Variants in MSI2 observed in about 807,000 individuals in gnomAD.
The protein encoded by MSI2 is RNA-binding protein Musashi homolog 2.
Under a neutral mutation model 45.6 loss-of-function variants are expected in MSI2, and 17 were observed. That is an observed-to-expected ratio of 0.37 (90% CI 0.26 to 0.56). MSI2 has a LOEUF of 0.56. Ranked by LOEUF, MSI2 falls within the 20% of genes least tolerant of loss-of-function variation. The pLI is 0.77. For synonymous variants in MSI2, 156 were observed against 158.2 expected (o/e 0.99, Z 0.11); for missense variants, 293 against 444.2 (o/e 0.66, Z 3.06).
chr17:57,604,580 A>G (rs1292366399), intron 8 of MSI2, among the ~76,000 whole-genome samples: 1 of 151,900 alleles, frequency 6.6e-6, no homozygotes, highest in African/African-American at 2.4e-5. Context: ...GCTGAGTCCC[A>G]CTCTTCACCT....
chr17:57,659,427 G>A (rs1911840049), intron 11 of MSI2, among the ~76,000 whole-genome samples: 3 of 152,124 alleles, frequency 2.0e-5, no homozygotes, highest in East Asian at 1.9e-4. Flanking sequence ...GATATACACC[G>A]TGATGTATAT....
At chr17:57,542,785 G>GT (rs1237666603) in intron 7 of MSI2, among the ~76,000 whole-genome samples, 1 of 152,216 alleles carries the variant, frequency 6.6e-6, no homozygotes, top group Non-Finnish European at 1.5e-5. Context: ...AGTCTGGCAC[G>GT]TGTCCTGCTG....
chr17:57,574,008 C>T (rs373349807), intron 7 of MSI2, among the ~76,000 whole-genome samples: 3 of 152,160 alleles, frequency 2.0e-5, no homozygotes, highest in South Asian at 2.1e-4. Flanking sequence ...AAAAGCCAGG[C>T]GGGGAAAGGA....
At chr17:57,302,044 G>T (rs551430857) in intron 5 of MSI2, among the ~76,000 whole-genome samples, 1 of 152,094 alleles carries the variant, frequency 6.6e-6, no homozygotes, top group African/African-American at 2.4e-5. Context: ...GAATCTCGTT[G>T]TGGTTTTATC....
chr17:57,257,079 T>C lies in MSI2; in HGVS notation c.63-19T>C, dbSNP rs1555568572. Reference sequence around the variant, plus strand: ...GATCTGACATCGGTGCTCACTTCTGTTATGTTTTCTCCCTCTAGTAAAATG... The same window carrying C: ...GATCTGACATCGGTGCTCACTTCTGCTATGTTTTCTCCCTCTAGTAAAATG... On this transcript the variant is annotated intron_variant, in intron 1 of 13. Transcript: ENST00000284073. The C allele has an allele frequency of 1.9e-6, 3 of 1,553,416 alleles. No individual in the cohort carries two copies. The highest frequency in any genetic ancestry group is 2.6e-6 in the Non-Finnish European group (3 of 1,144,606).
In MSI2 at chr17:57,652,536, C is replaced by T. The variant is rs368404680; in HGVS notation, c.790+375C>T. Among the ~76,000 whole-genome samples the T allele has an allele frequency of 6.6e-6, 1 of 152,214 alleles. No homozygotes were observed. ...ATTCAACAGGCTCCCTTCCTTGGGT[C>T]CCTGAGCCAGCCAGAGAAGTGCTAG... On this transcript the variant is annotated intron_variant, in intron 11 of 13. Transcript: ENST00000284073. The surrounding 1 kb of genome is among the most constrained non-coding windows in gnomAD (Gnocchi z 4.1).
chr17:57,307,605 A>G (rs1405431525), intron 5 of MSI2, among the ~76,000 whole-genome samples: 1 of 152,126 alleles, frequency 6.6e-6, no homozygotes, highest in African/African-American at 2.4e-5. Flanking sequence ...TGTACTTTTT[A>G]GTAGAGACAG....
chr17:57,508,051 C>T (rs1206116549), intron 6 of MSI2, among the ~76,000 whole-genome samples: 2 of 152,122 alleles, frequency 1.3e-5, no homozygotes, highest in Non-Finnish European at 2.9e-5. Context: ...TTAGTGAAGA[C>T]CTACTTCAGA....
intron 6 of MSI2, among the ~76,000 whole-genome samples, chr17:57,459,830 C>T (rs192973815): frequency 1.3e-5 from 2 of 151,532 alleles, no homozygotes; most frequent in Admixed American, 6.6e-5. Context: ...TTCATCTCTA[C>T]AAAAAATTAA....
At chr17:57,304,229 C>T (rs995358475) in intron 5 of MSI2, among the ~76,000 whole-genome samples, 12 of 151,026 alleles carry the variant, frequency 7.9e-5, no homozygotes, top group South Asian at 6.3e-4. Context: ...TGGTGGCGTG[C>T]GCCTGTAGTC....
chr17:57,439,058 C>T (rs2084746413), intron 6 of MSI2, among the ~76,000 whole-genome samples: 2 of 152,272 alleles, frequency 1.3e-5, no homozygotes, highest in South Asian at 4.2e-4. Context: ...GAGGCATAAG[C>T]CACCATGCCC....
intron 7 of MSI2, among the ~76,000 whole-genome samples, chr17:57,533,659 G>A (rs1326278967): frequency 6.6e-6 from 1 of 152,204 alleles, no homozygotes; most frequent in Non-Finnish European, 1.5e-5. Flanking sequence ...ATTAGCAAGT[G>A]GGAGGTTTAT....
intron 6 of MSI2, among the ~76,000 whole-genome samples, chr17:57,489,709 C>T (rs1401329232): frequency 3.9e-5 from 6 of 152,226 alleles, no homozygotes; most frequent in African/African-American, 1.4e-4. Flanking sequence ...AATTATTTAT[C>T]AGTAGCAGCA....
intron 5 of MSI2, among the ~76,000 whole-genome samples, chr17:57,302,104 T>G (rs1487838818): frequency 6.6e-6 from 1 of 152,232 alleles, no homozygotes; most frequent in African/African-American, 2.4e-5. Context: ...TTATTATTGA[T>G]GGACTAACTG....
rs551974395 is a variant in MSI2 at position 57,665,268 on chromosome 17, A to G, written c.791-9704A>G. Among the ~76,000 whole-genome samples, 347 of 152,332 alleles carry G rather than the reference A, an allele frequency of 2.3e-3. 1 individual carries two copies. Among genetic ancestry groups the G allele is most frequent in the African/African-American group, 7.9e-3 (328 of 41,586 alleles). On this transcript the variant is annotated intron_variant, in intron 11 of 13. Coordinates refer to ENST00000284073, the MANE Select transcript of MSI2 (RefSeq NM_138962.4). The stretch of plus-strand genomic sequence containing the variant: ...GCCAGTCCTGGCTGAGATTAAGGGC[A>G]TGTACCAGTAGAACTAGCAGCCTGC...
At chr17:57,608,909 A>G (rs1426326818) in intron 8 of MSI2, among the ~76,000 whole-genome samples, 2 of 152,142 alleles carry the variant, frequency 1.3e-5, no homozygotes, top group African/African-American at 4.8e-5. Flanking sequence ...AAGGCTTGTG[A>G]TTGGCAGAGG....
At chr17:57,300,577 CA>C (rs751157102) in intron 5 of MSI2, among the ~76,000 whole-genome samples, 1 of 152,088 alleles carries the variant, frequency 6.6e-6, no homozygotes, top group Non-Finnish European at 1.5e-5. Flanking sequence ...TGCTGAGTGC[CA>C]CCTTTAAGAT....
At chr17:57,387,417 T>C (rs1041719627) in intron 5 of MSI2, among the ~76,000 whole-genome samples, 1 of 152,146 alleles carries the variant, frequency 6.6e-6, no homozygotes, top group African/African-American at 2.4e-5. Context: ...AGAGCATGGA[T>C]GTATTAGGAT....
At chr17:57,311,477 C>T (rs976470546) in intron 5 of MSI2, among the ~76,000 whole-genome samples, 1 of 152,188 alleles carries the variant, frequency 6.6e-6, no homozygotes, top group African/African-American at 2.4e-5. Context: ...ACCCTATATG[C>T]TGGGAGTTGG....
Sources: gnomAD v4.1 joint callset for allele counts (sites outside exome capture counted in the v4.1 genomes callset) on GRCh38, gnomAD v4.1.1 for gene constraint, Gnocchi (gnomAD v3.1) non-coding constraint, MANE v1.5 for transcripts, NCBI Gene and HGNC (gene_info 2026-07-23, HGNC 2026-07-21) for gene names.